The following DPYD variants were observed in gnomAD, a reference collection of about 807,000 sequenced individuals.
The protein encoded by DPYD is dihydropyrimidine dehydrogenase [NADP(+)].
Under a neutral mutation model 116.2 loss-of-function variants are expected in DPYD, and 109 were observed. That is an observed-to-expected ratio of 0.94 (90% CI 0.80 to 1.10). DPYD has a LOEUF of 1.10. DPYD is among the 50% of genes least tolerant of loss of function. DPYD has a pLI of 0.00. For missense variants in DPYD, 1,302 were observed against 1,254.5 expected (o/e 1.04, Z -0.57); for synonymous variants, 440 against 432.0 (o/e 1.02, Z -0.23).
intron 5 of DPYD, among the ~76,000 whole-genome samples, chr1:97,709,105 A>C (rs1407162793): frequency 1.3e-5 from 2 of 151,882 alleles, no homozygotes; most frequent in East Asian, 1.9e-4. Flanking sequence ...CCTTCTCTGT[A>C]TACATTTCCT....
chr1:97,690,464 T>C (rs1660957220), intron 7 of DPYD, among the ~76,000 whole-genome samples: 2 of 151,914 alleles, frequency 1.3e-5, no homozygotes, highest in Admixed American at 1.3e-4. Context: ...TAATTTTACA[T>C]ATTTATGGGG....
intron 5 of DPYD, among the ~76,000 whole-genome samples, chr1:97,706,338 A>G (rs900110810): frequency 1.2e-4 from 19 of 152,066 alleles, no homozygotes; most frequent in African/African-American, 4.6e-4. Flanking sequence ...TTGGTGCATT[A>G]AGAGAACTGC....
At chr1:97,343,831 T>C (rs1669705990) in intron 16 of DPYD, among the ~76,000 whole-genome samples, 1 of 152,026 alleles carries the variant, frequency 6.6e-6, no homozygotes, top group South Asian at 2.1e-4. Flanking sequence ...AGTGAGATAT[T>C]ATAAATCTTC....
chr1:97,604,908 A>C (rs924934813), intron 8 of DPYD, among the ~76,000 whole-genome samples: 3 of 152,120 alleles, frequency 2.0e-5, no homozygotes, highest in Admixed American at 2.0e-4. Context: ...AAAACAGAGT[A>C]CCTTTTAGAA....
intron 14 of DPYD, among the ~76,000 whole-genome samples, chr1:97,446,886 G>C (rs1676114423): frequency 6.6e-6 from 1 of 152,096 alleles, no homozygotes; most frequent in African/African-American, 2.4e-5. Flanking sequence ...GGAACAAAAA[G>C]CTCTTAGTCA....
chr1:97,902,236 T>G (rs776306659), intron 1 of DPYD, among the ~76,000 whole-genome samples: 1 of 151,722 alleles, frequency 6.6e-6, no homozygotes, highest in Non-Finnish European at 1.5e-5. Flanking sequence ...AAAGACTGAG[T>G]CAAGATTAGA....
chr1:97,724,703 A>C (rs957915373), intron 4 of DPYD, among the ~76,000 whole-genome samples: 2 of 151,630 alleles, frequency 1.3e-5, no homozygotes, highest in African/African-American at 2.4e-5. Flanking sequence ...TTTAAATGCC[A>C]ATCTAATTCA....
chr1:97,115,193 A>C (rs1018636524), intron 20 of DPYD, among the ~76,000 whole-genome samples: 11 of 152,166 alleles, frequency 7.2e-5, no homozygotes, highest in African/African-American at 2.7e-4. Flanking sequence ...GCTTTCATCA[A>C]TGTTTTGTGT....
intron 18 of DPYD, among the ~76,000 whole-genome samples, chr1:97,257,452 T>TATATATATAGAGAG (rs375490078): frequency 0.01 from 1,315 of 126,370 alleles, 32 homozygotes; most frequent in African/African-American, 0.037. Context: ...TATATATATA[T>TATATATATAGAGAG]AGAGAGAGAG....
At chr1:97,186,420 C>A (rs1340464338) in intron 20 of DPYD, among the ~76,000 whole-genome samples, 2 of 152,150 alleles carry the variant, frequency 1.3e-5, no homozygotes, top group African/African-American at 4.8e-5. Context: ...CACCCTGCTT[C>A]TACCCTCCCA....
chr1:97,179,431 G>A (rs1373723681), intron 20 of DPYD, among the ~76,000 whole-genome samples: 1 of 152,140 alleles, frequency 6.6e-6, no homozygotes, highest in African/African-American at 2.4e-5. Context: ...CAAATGAAGA[G>A]ACTAACAGCC....
chr1:97,115,718 T>C (rs1230883641), intron 20 of DPYD, among the ~76,000 whole-genome samples: 9 of 152,154 alleles, frequency 5.9e-5, no homozygotes, highest in Admixed American at 5.9e-4. Context: ...ATGGTCACAA[T>C]TGTTACCTTA....
chr1:97,654,605 G>A (rs1254136986), intron 8 of DPYD, among the ~76,000 whole-genome samples: 1 of 151,952 alleles, frequency 6.6e-6, no homozygotes, highest in East Asian at 1.9e-4. Context: ...GACATAAGCA[G>A]CAAAAGCATA....
chr1:97,291,351 G>T (rs1666156576), intron 18 of DPYD, among the ~76,000 whole-genome samples: 1 of 151,998 alleles, frequency 6.6e-6, no homozygotes, highest in South Asian at 2.1e-4. Flanking sequence ...ATACCCAAAG[G>T]ACTATAAATC....
chr1:97,395,741 T>G (rs902815949), intron 14 of DPYD, among the ~76,000 whole-genome samples: 1 of 152,034 alleles, frequency 6.6e-6, no homozygotes. Flanking sequence ...CAGTAGAACA[T>G]GGTAGAGGTG....
intron 8 of DPYD, among the ~76,000 whole-genome samples, chr1:97,661,184 G>A (rs1659234446): frequency 6.6e-6 from 1 of 152,112 alleles, no homozygotes; most frequent in Non-Finnish European, 1.5e-5. Flanking sequence ...TTAACATATA[G>A]CATATATGTA....
At chr1:97,707,176 T>C (rs1459761483) in intron 5 of DPYD, among the ~76,000 whole-genome samples, 1 of 152,040 alleles carries the variant, frequency 6.6e-6, no homozygotes, top group Admixed American at 6.6e-5. Context: ...TGAGGAGCCC[T>C]CCTCAATTAG....
chr1:97,487,899 T>C (rs1321796723), intron 13 of DPYD, among the ~76,000 whole-genome samples: 2 of 152,340 alleles, frequency 1.3e-5, no homozygotes, highest in Admixed American at 1.3e-4. Context: ...AGTTACCATA[T>C]GACCCATCAA....
intron 2 of DPYD, among the ~76,000 whole-genome samples, chr1:97,852,023 C>CAAAAAAAAAA (rs555567071): frequency 1.3e-5 from 1 of 74,288 alleles, no homozygotes; most frequent in Non-Finnish European, 2.9e-5. Context: ...GTGCAATTTA[C>CAAAAAAAAAA]AAAAAAAAAA....
Sources: gnomAD v4.1 joint callset for allele counts (sites outside exome capture counted in the v4.1 genomes callset) on GRCh38, gnomAD v4.1.1 for gene constraint, MANE v1.5 for transcripts, NCBI Gene and HGNC (gene_info 2026-07-23, HGNC 2026-07-21) for gene names.